IQGAP1: variants seen among roughly 807,000 people sequenced by gnomAD.
IQGAP1 encodes the protein ras GTPase-activating-like protein IQGAP1.
Under a neutral mutation model 215.6 loss-of-function variants are expected in IQGAP1, and 66 were observed. The observed-to-expected ratio is 0.31, with a 90% CI of 0.25 to 0.38. The LOEUF (loss-of-function observed/expected upper bound fraction) is 0.38, where lower values mean the gene tolerates loss of function less well. IQGAP1 is among the 10% of genes least tolerant of loss of function. The probability of loss-of-function intolerance (pLI) is 1.00; values close to 1 mark genes in which losing one functional copy is unlikely to be tolerated. For synonymous variants in IQGAP1, 772 were observed against 728.7 expected, an observed-to-expected ratio of 1.06 and a Z score of -0.96; for missense variants, 1,712 against 1,997.1, an observed-to-expected ratio of 0.86 and a Z score of 2.72.
At chr15:90,446,141 C>T (rs777793922) in intron 9 of IQGAP1, among the ~76,000 whole-genome samples, 15 of 152,072 alleles carry the variant, frequency 9.9e-5, no homozygotes, top group Admixed American at 1.3e-4. Flanking sequence ...AGAAAGTCCA[C>T]GATGTTTCCT....
Position 90,454,534 on chromosome 15 carries a change from G to T in IQGAP1, c.1594G>T (p.Val532Leu), listed in dbSNP as rs770765432. 6.3e-7 allele frequency: 1 copy of T among 1,587,732 alleles called. No individual in the cohort carries two copies. The highest frequency in any genetic ancestry group is 8.6e-7 in the Non-Finnish European group (1 of 1,168,464). The part of the protein sequence containing the change: ...QACVDHVNLV[V>L]QEEHERILAI... ...TTGCGTGGACCATGTGAACCTGGTG[G>T]TGCAAGAGGAACATGAGAGTGAGTT... The change falls in exon 14 of 38, where the codon GTG (valine) becomes TTG (leucine). Residue 532 changes from valine to leucine, a missense_variant. Around this residue, in one of 2 missense-constraint regions of IQGAP1, gnomAD observed 1,021 missense variants for 1,074.2 expected, o/e 0.95. Transcript: ENST00000268182.
chr15:90,485,914 C>T, intron 30 of IQGAP1, 116 bp from the exon 31 acceptor site: 2 of 708,470 alleles, frequency 2.8e-6, no homozygotes, highest in South Asian at 1.9e-5. Context: ...CTTGTTGTTT[C>T]TTTGAATATA....
chr15:90,400,902 G>A (rs8035642), intron 2 of IQGAP1, among the ~76,000 whole-genome samples: 1,529 of 152,302 alleles, frequency 0.01, 20 homozygotes, highest in African/African-American at 0.035. Context: ...AGTGGAACCT[G>A]TTTTGGACAT....
intron 31 of IQGAP1, chr15:90,486,559 G>GTTT (rs35648452): frequency 7.5e-5 from 12 of 159,342 alleles, no homozygotes; most frequent in South Asian, 2.9e-4. Flanking sequence ...CTCCTGAGTT[G>GTTT]TTTTTTTTTT....
chr15:90,452,588 G>T (rs1965618986), intron 11 of IQGAP1, among the ~76,000 whole-genome samples, 187 bp from the exon 12 acceptor site: 1 of 152,152 alleles, frequency 6.6e-6, no homozygotes. Flanking sequence ...ATTGAGACAT[G>T]GTTCACATAC....
chr15:90,433,638 A>G, intron 4 of IQGAP1, 81 bp from the exon 5 acceptor site: 3 of 863,448 alleles, frequency 3.5e-6, no homozygotes, highest in Admixed American at 4.4e-5. Context: ...CCATAGTTTG[A>G]TTTGGATTAT....
Position 90,487,594 on chromosome 15 carries a change from G to T in IQGAP1, c.4248+12G>T, listed in dbSNP as rs1433783722. 1 of 1,575,832 alleles carries T rather than the reference G, an allele frequency of 6.3e-7. No individual in the cohort carries two copies. The highest frequency in any genetic ancestry group is 8.7e-7 in the Non-Finnish European group (1 of 1,145,632). ...CCACCAGTGAACAGGTAAAATTTAGGGTCTAACATACTCCTTTGTTTGGTA... is the reference window on the plus strand; with the variant it reads ...CCACCAGTGAACAGGTAAAATTTAGTGTCTAACATACTCCTTTGTTTGGTA... On this transcript the variant is annotated intron_variant, in intron 33 of 37. Coordinates refer to ENST00000268182, the MANE Select transcript of IQGAP1 (RefSeq NM_003870.4).
intron 2 of IQGAP1, among the ~76,000 whole-genome samples, chr15:90,422,162 A>G (rs1965146242): frequency 6.6e-6 from 1 of 152,142 alleles, no homozygotes; most frequent in African/African-American, 2.4e-5. Context: ...TTCAGGTGAT[A>G]TAGTGAGAGC....
At chr15:90,394,609 T>C (rs966579264) in intron 2 of IQGAP1, among the ~76,000 whole-genome samples, 2 of 152,176 alleles carry the variant, frequency 1.3e-5, no homozygotes, top group African/African-American at 4.8e-5. Context: ...AGGGCCCCTC[T>C]TTCCCCTCTA....
Position 90,483,399 on chromosome 15 carries a change from A to G in IQGAP1, c.3594A>G (p.Pro1198=), listed in dbSNP as rs1323860754. 6.2e-7 allele frequency: 1 copy of G among 1,614,064 alleles called. No homozygotes were observed. The highest frequency in any genetic ancestry group is 1.3e-5 in the African/African-American group (1 of 74,920). Residue 1198 remains proline, a synonymous_variant, in exon 29 of 38, where the codon CCA becomes CCG. Coordinates refer to ENST00000268182, the MANE Select transcript of IQGAP1 (RefSeq NM_003870.4). ...TGCTTTATTATCGATACATGAATCC[A>G]GCCATTGTTGCTCCTGATGCCTTTG... ...GNLLYYRYMN[P]AIVAPDAFDI... is the part of the protein sequence containing the mutation.
At chr15:90,480,616 T>C (rs1966045089) in intron 26 of IQGAP1, among the ~76,000 whole-genome samples, 1 of 152,236 alleles carries the variant, frequency 6.6e-6, no homozygotes, top group South Asian at 2.1e-4. Context: ...CCAATTTTAA[T>C]TTAGCCATGC....
intron 2 of IQGAP1, chr15:90,391,538 T>A (rs141300418): frequency 2.6e-4 from 39 of 152,508 alleles, no homozygotes; most frequent in African/African-American, 9.4e-4. Flanking sequence ...TGAATTTTGA[T>A]TTATATATGA....
intron 33 of IQGAP1, among the ~76,000 whole-genome samples, chr15:90,489,125 C>CTTTTTTTT (rs58123122): frequency 7.3e-6 from 1 of 136,184 alleles, no homozygotes; most frequent in Non-Finnish European, 1.6e-5. Flanking sequence ...ACCCTTGTTT[C>CTTTTTTTT]TTTTTTTTTT....
chr15:90,472,772 A>C, intron 18 of IQGAP1, 68 bp from the exon 19 acceptor site: 1 of 1,441,154 alleles, frequency 6.9e-7, no homozygotes, highest in South Asian at 1.3e-5. Context: ...GCTGTGGATG[A>C]TACTTCGTGA....
At chr15:90,439,005 A>T (rs887386241) in intron 5 of IQGAP1, among the ~76,000 whole-genome samples, 1 of 152,118 alleles carries the variant, frequency 6.6e-6, no homozygotes, top group African/African-American at 2.4e-5. Context: ...GATTACAGGC[A>T]TGAGCCACTG....
At chr15:90,452,030 G>A (rs550427252) in intron 11 of IQGAP1, among the ~76,000 whole-genome samples, 8 of 152,118 alleles carry the variant, frequency 5.3e-5, no homozygotes, top group South Asian at 2.1e-4. Context: ...GGGTTTCACC[G>A]TGTTGACCAG....
chr15:90,406,265 A>G (rs1417501813), intron 2 of IQGAP1, among the ~76,000 whole-genome samples: 2 of 152,254 alleles, frequency 1.3e-5, no homozygotes, highest in African/African-American at 4.8e-5. Flanking sequence ...GCCCTGTCAC[A>G]TTAACATCAT....
At chr15:90,446,790 A>C (rs1434813112) in intron 9 of IQGAP1, among the ~76,000 whole-genome samples, 2 of 152,180 alleles carry the variant, frequency 1.3e-5, no homozygotes, top group Non-Finnish European at 2.9e-5. Flanking sequence ...AAAAGTTTTT[A>C]TTTTATTTTT....
At chr15:90,412,380 C>T (rs79665444) in intron 2 of IQGAP1, among the ~76,000 whole-genome samples, 2,033 of 152,308 alleles carry the variant, frequency 0.013, 38 homozygotes, top group African/African-American at 0.046. Context: ...TCACTTCTCT[C>T]TAGCCCTTTC....
Sources: gnomAD v4.1 joint callset for allele counts (sites outside exome capture counted in the v4.1 genomes callset) on GRCh38, gnomAD v4.1.1 for gene constraint, gnomAD v4.1.1 regional missense constraint, MANE v1.5 for transcripts, NCBI Gene and HGNC (gene_info 2026-07-23, HGNC 2026-07-21) for gene names.